Variants in ESR1 observed in about 807,000 individuals in gnomAD.
ESR1 encodes estrogen receptor.
Under a neutral mutation model 52.7 loss-of-function variants are expected in ESR1, and 12 were observed. That is an observed-to-expected ratio of 0.23 (90% CI 0.15 to 0.37). ESR1 has a LOEUF of 0.37. Among genes scored for constraint, ESR1 ranks in the 10% least tolerant of loss-of-function variants. The probability of loss-of-function intolerance (pLI) is 1.00; values close to 1 mark genes in which losing one functional copy is unlikely to be tolerated. For missense variants in ESR1, 584 were observed against 779.7 expected, an observed-to-expected ratio of 0.75 and a Z score of 2.99; for synonymous variants, 305 against 316.8, an observed-to-expected ratio of 0.96 and a Z score of 0.39.
intron 1 of ESR1, among the ~76,000 whole-genome samples, chr6:151,660,917 C>T (rs1306317388): frequency 6.6e-6 from 1 of 152,108 alleles, no homozygotes; most frequent in Admixed American, 6.6e-5. Context: ...TGCTTGGGCT[C>T]CACTTCCACA....
chr6:151,900,106 T>C (rs1310987799), intron 3 of ESR1, among the ~76,000 whole-genome samples: 5 of 152,342 alleles, frequency 3.3e-5, no homozygotes, highest in South Asian at 4.1e-4. Context: ...CTGGGCACCA[T>C]TGAGCACTGA....
chr6:151,810,199 A>C (rs1443687588), intron 1 of ESR1, among the ~76,000 whole-genome samples: 4 of 152,166 alleles, frequency 2.6e-5, no homozygotes, highest in Non-Finnish European at 5.9e-5. Context: ...GTATCAGTGT[A>C]ATATGCCCTA....
chr6:151,697,775 G>A (rs1779468038), intron 1 of ESR1, among the ~76,000 whole-genome samples: 1 of 145,992 alleles, frequency 6.8e-6, no homozygotes, highest in Admixed American at 6.8e-5. Context: ...TGATTCTATA[G>A]CTTTTGCCTT....
intron 2 of ESR1, among the ~76,000 whole-genome samples, chr6:151,750,735 C>A (rs779864431): frequency 9.1e-4 from 138 of 152,020 alleles, no homozygotes; most frequent in Non-Finnish European, 1.3e-3. Context: ...TTTGAAGATA[C>A]GGGACTTGAG....
chr6:151,968,629 G>T (rs2038555776), intron 4 of ESR1, among the ~76,000 whole-genome samples: 1 of 151,982 alleles, frequency 6.6e-6, no homozygotes. Flanking sequence ...ATTTTCCAGT[G>T]GTCCATGGTG....
At chr6:151,718,720 T>C (rs551010279) in intron 2 of ESR1, among the ~76,000 whole-genome samples, 2 of 152,210 alleles carry the variant, frequency 1.3e-5, no homozygotes, top group Non-Finnish European at 2.9e-5. Context: ...AAATATCTTT[T>C]AGTTAGTTTC....
chr6:151,676,668 C>T (rs1384239999), intron 1 of ESR1, among the ~76,000 whole-genome samples: 1 of 152,190 alleles, frequency 6.6e-6, no homozygotes, highest in African/African-American at 2.4e-5. Flanking sequence ...GACTTGGCAC[C>T]CTCACTCGCT....
rs556028766 is a variant in ESR1, at chr6:152,035,097, GT to G, written c.1235+23311del. 1.0e-3 allele frequency among the ~76,000 whole-genome samples: 157 copies of G among 151,958 alleles called. 1 individual carries two copies. The highest frequency in any genetic ancestry group is 3.6e-3 in the African/African-American group (149 of 41,478). On this transcript the variant is annotated intron_variant, in intron 5 of 7. Coordinates refer to ENST00000206249, the MANE Select transcript of ESR1 (RefSeq NM_000125.4). ...GCATCCCATAAAATTAAAAATTCCA[GT>G]TTTTTTTAAACCATGAACAATTTAG...
At chr6:151,800,181 A>G (rs919683678), upstream of ESR1, among the ~76,000 whole-genome samples, 1 of 152,162 alleles carries the variant, frequency 6.6e-6, no homozygotes, top group Non-Finnish European at 1.5e-5. Context: ...ATATGAAAGT[A>G]AAAACACAAG....
At chr6:151,948,885 CT>C (rs1311179068) in intron 4 of ESR1, among the ~76,000 whole-genome samples, 1 of 152,168 alleles carries the variant, frequency 6.6e-6, no homozygotes, top group Non-Finnish European at 1.5e-5. Flanking sequence ...TTCTCTGCCT[CT>C]CATCCTCATC....
chr6:151,722,317 C>T (rs976984709), intron 2 of ESR1, among the ~76,000 whole-genome samples: 3 of 152,174 alleles, frequency 2.0e-5, no homozygotes, highest in Non-Finnish European at 4.4e-5. Context: ...ATTAGAAGTC[C>T]TTGAACAGGG....
In ESR1 at chr6:151,697,355, G is replaced by A. The variant is rs539980153; in HGVS notation, c.-201-4520G>A. Among the ~76,000 whole-genome samples, 6 of 152,324 alleles carry A rather than the reference G, an allele frequency of 3.9e-5. No individual in the cohort carries two copies. In the East Asian group the frequency reaches 1.2e-3, roughly 29 times the overall value. ...ATTGAGAATCAAAAGATGGGACTGT[G>A]CCACTGATGTGCGCAGTGAGAAGCT... On this transcript the variant is annotated intron_variant, in intron 1 of 2. Transcript: ENST00000404742.
chr6:152,039,171 C>G (rs1038972086), intron 5 of ESR1, among the ~76,000 whole-genome samples: 3 of 152,188 alleles, frequency 2.0e-5, no homozygotes, highest in Non-Finnish European at 4.4e-5. Context: ...TAGCAAGTAC[C>G]TCAGCAGGTC....
chr6:151,678,470 A>G (rs1192255590), intron 1 of ESR1, among the ~76,000 whole-genome samples: 1 of 149,700 alleles, frequency 6.7e-6, no homozygotes, highest in Non-Finnish European at 1.5e-5. Flanking sequence ...GAGACTCCAT[A>G]TTAAAAAAAA....
chr6:151,810,850 A>G (rs1778715619), intron 1 of ESR1, among the ~76,000 whole-genome samples: 1 of 152,270 alleles, frequency 6.6e-6, no homozygotes, highest in Non-Finnish European at 1.5e-5. Context: ...TTATATGTTC[A>G]GTAGAAAACA....
At chr6:151,822,124 A>G (rs1780656120) in intron 1 of ESR1, among the ~76,000 whole-genome samples, 1 of 152,236 alleles carries the variant, frequency 6.6e-6, no homozygotes, top group Admixed American at 6.5e-5. Flanking sequence ...AAGAACTGCT[A>G]GAATTGTCAG....
intron 2 of ESR1, among the ~76,000 whole-genome samples, chr6:151,756,667 T>C (rs923544858): frequency 9.2e-5 from 14 of 152,218 alleles, no homozygotes; most frequent in Non-Finnish European, 2.1e-4. Flanking sequence ...TTTGAATAAA[T>C]TGAGAGTAAC....
At chr6:151,718,553 T>A (rs559974307) in intron 2 of ESR1, among the ~76,000 whole-genome samples, 53 of 152,322 alleles carry the variant, frequency 3.5e-4, no homozygotes, top group African/African-American at 1.3e-3. Context: ...GAAAAAGAAA[T>A]CACATCTGTC....
chr6:151,971,804 G>C (rs1169083887), intron 4 of ESR1, among the ~76,000 whole-genome samples: 1 of 151,750 alleles, frequency 6.6e-6, no homozygotes, highest in Non-Finnish European at 1.5e-5. Context: ...AAATAACGAA[G>C]ATCAGAGCAG....
Sources: gnomAD v4.1 joint callset for allele counts (sites outside exome capture counted in the v4.1 genomes callset) on GRCh38, gnomAD v4.1.1 for gene constraint, MANE v1.5 for transcripts, NCBI Gene and HGNC (gene_info 2026-07-23, HGNC 2026-07-21) for gene names.